The following ZNF75D variants were observed in gnomAD, a reference collection of about 807,000 sequenced individuals.
ZNF75D encodes the protein zinc finger protein 75D.
In ZNF75D, 33 loss-of-function variants were observed where a neutral mutation model predicts 33.3. That is an observed-to-expected ratio of 0.99 (90% CI 0.75 to 1.32). The LOEUF (loss-of-function observed/expected upper bound fraction) is 1.32. ZNF75D is among the 40% of genes most tolerant of loss of function. The probability of loss-of-function intolerance (pLI) is 0.00; values close to 1 mark genes in which losing one functional copy is unlikely to be tolerated. For missense variants in ZNF75D, 338 were observed against 367.5 expected (o/e 0.92, Z 0.66); for synonymous variants, 113 against 130.6 (o/e 0.87, Z 0.92).
Position 135,294,033 on chromosome X carries a change from G to T in ZNF75D, c.108C>A (p.Tyr36Ter). The T allele has an allele frequency of 5.0e-6, 6 of 1,211,517 alleles. No individual in the cohort carries two copies. The highest frequency in any genetic ancestry group is 6.7e-6 in the Non-Finnish European group (6 of 895,137). The stretch of plus-strand genomic sequence containing the variant: ...GACCAAGATTCTCTATTTTTGTGCT[G>T]TATTTCTTACTCTGACTGGAGTTCT... ...VKENSSQSKKYSTKIENLGPE... is the reference protein window; with the variant it reads ...VKENSSQSKK The change falls in exon 3 of 7, where the codon TAC (tyrosine) becomes TAA (stop). Residue 36 changes from tyrosine (Y) to a stop codon, truncating the protein, a stop_gained. Transcript: ENST00000370766. LOFTEE classifies it high-confidence loss of function.
intron 2 of ZNF75D, 37 bp from the exon 3 acceptor site, chrX:135,294,295 A>G: frequency 2.4e-6 from 1 of 411,293 alleles, no homozygotes; most frequent in Non-Finnish European, 4.2e-6. Context: ...TGTCAAGAAG[A>G]AAATCACATG....
chrX:135,263,978 CA>C (rs1309616806), intron 1 of ZNF75D, among the ~76,000 whole-genome samples: 1 of 112,362 alleles, frequency 8.9e-6, no homozygotes, highest in Non-Finnish European at 1.9e-5. Flanking sequence ...TATCTAAGAC[CA>C]CCAAGGTGGT....
At chrX:135,268,596 G>A in intron 1 of ZNF75D, among the ~76,000 whole-genome samples, 1 of 110,712 alleles carries the variant, frequency 9.0e-6, no homozygotes, top group South Asian at 3.8e-4. Flanking sequence ...AGCAATTGAA[G>A]ACAACACAAA....
intron 1 of ZNF75D, among the ~76,000 whole-genome samples, chrX:135,339,117 G>C (rs1556443692): frequency 3.6e-5 from 4 of 110,848 alleles, no homozygotes; most frequent in African/African-American, 1.3e-4. Context: ...GCAGCAAGGA[G>C]GATGGGCCTG....
chrX:135,296,680 T>A (rs960056862), intron 1 of ZNF75D, among the ~76,000 whole-genome samples: 1 of 112,672 alleles, frequency 8.9e-6, no homozygotes, highest in Non-Finnish European at 1.9e-5. Context: ...AGACATGTGC[T>A]CCCCAACCAT....
chrX:135,250,689 C>A (rs1171767830), intron 3 of ZNF75D, among the ~76,000 whole-genome samples: 5 of 95,488 alleles, frequency 5.2e-5, no homozygotes, highest in Non-Finnish European at 1.0e-4. Context: ...TCAAGCGATC[C>A]ACTCCCCTCA....
chrX:135,330,806 T>A (rs1162368679), intron 1 of ZNF75D: 2 of 112,710 alleles, frequency 1.8e-5, no homozygotes, highest in Admixed American at 9.4e-5. Flanking sequence ...TTTCTTGAGT[T>A]ACACTGGACA....
chrX:135,307,186 TGC>T (rs2084298192), intron 1 of ZNF75D, among the ~76,000 whole-genome samples: 2 of 111,906 alleles, frequency 1.8e-5, no homozygotes, highest in Admixed American at 1.9e-4. Context: ...CTCTTCCCAC[TGC>T]AAATTGTTTA....
intron 1 of ZNF75D, among the ~76,000 whole-genome samples, chrX:135,257,976 C>T (rs1342736786): frequency 4.6e-5 from 5 of 108,912 alleles, no homozygotes; most frequent in African/African-American, 1.7e-4. Context: ...CCCCACCACC[C>T]AACAGGCCCT....
rs1168323761 is a variant in ZNF75D at position 135,294,117 on chromosome X, C to T, written c.24G>A (p.Ala8=). The T allele has an allele frequency of 9.2e-6, 11 of 1,194,596 alleles. No individual in the cohort carries two copies. The highest frequency in any genetic ancestry group is 6.0e-5 in the East Asian group (2 of 33,593). Residue 8 remains alanine (A), a synonymous_variant, in exon 3 of 7, where the codon GCG becomes GCA. Transcript: ENST00000370766. ...CCATCTGGGGGCTTGAGCATGAATC[C>T]GCGTTCAGCTCTCTCATCGCCATTT... MAMRELN[A]DSCSSPQMGA...
At chrX:135,294,631 G>C (rs1205126355) in intron 2 of ZNF75D, among the ~76,000 whole-genome samples, 1 of 111,078 alleles carries the variant, frequency 9.0e-6, no homozygotes, top group Non-Finnish European at 1.9e-5. Flanking sequence ...TTGGCAAATA[G>C]GGCCTATTTG....
intron 1 of ZNF75D, among the ~76,000 whole-genome samples, chrX:135,329,403 G>A (rs989147879): frequency 9.0e-6 from 1 of 111,546 alleles, no homozygotes; most frequent in African/African-American, 3.3e-5. Context: ...TCAGCCTCCC[G>A]AGTACCTGGG....
At chrX:135,337,934 G>C (rs1172716657) in intron 1 of ZNF75D, among the ~76,000 whole-genome samples, 1 of 110,862 alleles carries the variant, frequency 9.0e-6, no homozygotes, top group East Asian at 2.8e-4. Context: ...TGTGAGGTAA[G>C]CAGAGAGGAA....
intron 6 of ZNF75D, 104 bp from the exon 7 acceptor site, chrX:135,287,950 A>G: frequency 4.6e-6 from 3 of 658,489 alleles, no homozygotes; most frequent in Non-Finnish European, 6.9e-6. Context: ...AAATACAGGA[A>G]CAAGTGATTT....
At position 135,343,437 on chromosome X, in the gene ZNF75D, G is replaced by C. The variant is rs898391459; in HGVS notation, c.-2060C>G. 2 of 137,545 alleles carry C rather than the reference G, an allele frequency of 1.5e-5. No individual in the cohort carries two copies. Among genetic ancestry groups the C allele is most frequent in the African/African-American group, 6.3e-5 (2 of 31,733 alleles). 11.3% of individuals were successfully genotyped at this position (137,545 alleles called of 1,213,427 possible). Reference sequence around the variant, plus strand: ...AACTCCAGAATCTGCTCCATGGAGCGCATCTCAGGCCAAAGTCACCCATGG... The same window carrying C: ...AACTCCAGAATCTGCTCCATGGAGCCCATCTCAGGCCAAAGTCACCCATGG... On this transcript the variant is annotated 5_prime_UTR_variant, in exon 1 of 7. Coordinates refer to ENST00000370766, the MANE Select transcript of ZNF75D (RefSeq NM_007131.5).
chrX:135,326,614 C>T (rs1043679168), intron 1 of ZNF75D, among the ~76,000 whole-genome samples: 15 of 112,072 alleles, frequency 1.3e-4, no homozygotes, highest in Admixed American at 1.1e-3. Flanking sequence ...TGTTCTTCCG[C>T]TCTTTGCAAT....
downstream of ZNF75D, among the ~76,000 whole-genome samples, chrX:135,282,754 C>T (rs1291597665): frequency 4.5e-5 from 5 of 111,271 alleles, no homozygotes; most frequent in Admixed American, 3.8e-4. Flanking sequence ...GTTCTCCCAA[C>T]CCCTTGTACT....
rs190412991 is a variant in ZNF75D at position 135,263,488 on chromosome X, T to C, written n.828-7711A>G. 5.7e-3 allele frequency among the ~76,000 whole-genome samples: 639 copies of C among 112,920 alleles called. 3 individuals are homozygous for C. The highest frequency in any genetic ancestry group is 0.019 in the African/African-American group (602 of 31,131). On this transcript the variant is annotated intron_variant and non_coding_transcript_variant, in intron 1 of 3. Coordinates refer to the ZNF75D transcript ENST00000494295. ...GGCTCGTCCCAGTTTGAGCTGCCCCTGCCACTTTGTTTACCTACTCAAGCC... is the reference window on the plus strand; with the variant it reads ...GGCTCGTCCCAGTTTGAGCTGCCCCCGCCACTTTGTTTACCTACTCAAGCC...
intron 1 of ZNF75D, among the ~76,000 whole-genome samples, chrX:135,301,821 G>A (rs1460412807): frequency 2.7e-5 from 3 of 112,236 alleles, no homozygotes; most frequent in Admixed American, 9.4e-5. Context: ...GTACCCCAGC[G>A]GGGACTCTGT....
Sources: gnomAD v4.1 joint callset for allele counts (sites outside exome capture counted in the v4.1 genomes callset) on GRCh38, gnomAD v4.1.1 for gene constraint, MANE v1.5 for transcripts, NCBI Gene and HGNC (gene_info 2026-07-23, HGNC 2026-07-21) for gene names.